RTN1: variants seen among roughly 807,000 people sequenced by gnomAD.
RTN1 encodes the protein reticulon 1.
RTN1 carries 25 observed loss-of-function variants against 65.5 expected under a neutral mutation model. The observed-to-expected ratio is 0.38, with a 90% CI of 0.28 to 0.53. RTN1 has a LOEUF of 0.53. Ranked by LOEUF, RTN1 falls within the 20% of genes least tolerant of loss-of-function variation. The pLI, the probability that RTN1 is intolerant of heterozygous loss-of-function variation, is 0.79. For missense variants in RTN1, 983 were observed against 1,025.4 expected (o/e 0.96, Z 0.57); for synonymous variants, 471 against 447.6 (o/e 1.05, Z -0.66).
At chr14:59,708,164 A>G (rs1884338429) in intron 3 of RTN1, among the ~76,000 whole-genome samples, 1 of 152,256 alleles carries the variant, frequency 6.6e-6, no homozygotes, top group African/African-American at 2.4e-5. Flanking sequence ...GAATATGTTA[A>G]TATTATTCAA....
intron 3 of RTN1, among the ~76,000 whole-genome samples, chr14:59,632,621 T>G (rs918550033): frequency 6.6e-6 from 1 of 152,180 alleles, no homozygotes; most frequent in Non-Finnish European, 1.5e-5. Flanking sequence ...GTACCTTTAC[T>G]GATGAGTATT....
At chr14:59,654,790 C>G (rs1883090528) in intron 3 of RTN1, among the ~76,000 whole-genome samples, 1 of 152,206 alleles carries the variant, frequency 6.6e-6, no homozygotes, top group African/African-American at 2.4e-5. Context: ...GTATTAAACA[C>G]TAAGAACAGT....
chr14:59,625,725 A>G (rs1339610500), intron 3 of RTN1, among the ~76,000 whole-genome samples: 1 of 152,194 alleles, frequency 6.6e-6, no homozygotes, highest in Non-Finnish European at 1.5e-5. Flanking sequence ...ACAAATGAAA[A>G]TGTTCATAAT....
chr14:59,805,247 T>C (rs1208198327), intron 1 of RTN1, among the ~76,000 whole-genome samples: 4 of 152,224 alleles, frequency 2.6e-5, no homozygotes, highest in African/African-American at 9.6e-5. Flanking sequence ...GTTTTGATAC[T>C]TTTCACAGTC....
At chr14:59,710,404 C>T (rs1884393493) in intron 3 of RTN1, among the ~76,000 whole-genome samples, 1 of 152,218 alleles carries the variant, frequency 6.6e-6, no homozygotes, top group African/African-American at 2.4e-5. Flanking sequence ...CCAAGCTTGA[C>T]ATAAATTCAG....
intron 3 of RTN1, among the ~76,000 whole-genome samples, chr14:59,666,954 C>T (rs184387434): frequency 6.5e-5 from 8 of 122,800 alleles, no homozygotes; most frequent in East Asian, 2.3e-4. Flanking sequence ...AATTAATAGC[C>T]GACCAACCAA....
intron 3 of RTN1, among the ~76,000 whole-genome samples, chr14:59,633,388 G>A (rs1388004607): frequency 6.6e-6 from 1 of 152,236 alleles, no homozygotes; most frequent in Non-Finnish European, 1.5e-5. Context: ...CCTTCAGCAA[G>A]TCATTTATCA....
chr14:59,793,636 C>CCACA lies in RTN1; in HGVS notation c.242-47159_242-47156dup, dbSNP rs766243780. On this transcript the variant is annotated intron_variant, in intron 1 of 8. Transcript: ENST00000267484. ...TTACCTTGTCAATTACAGGCACACA[C>CCACA]CACACACACACACACACACACACAC... Among the ~76,000 whole-genome samples, 1,267 of 144,286 alleles carry CCACA rather than the reference C, an allele frequency of 8.8e-3. 15 individuals carry two copies. The highest frequency in any genetic ancestry group is 0.028 in the African/African-American group (1,076 of 38,662). The allele number at this position is 144,286 out of a possible 152,430, so 94.7% of individuals were successfully genotyped here.
chr14:59,694,908 G>C (rs1001457794), intron 3 of RTN1, among the ~76,000 whole-genome samples: 15 of 152,212 alleles, frequency 9.9e-5, no homozygotes, highest in Non-Finnish European at 1.5e-5. Context: ...CTTCAAGAGA[G>C]AGTGGTTGGG....
rs966874408 is a variant in RTN1, at chr14:59,825,698, T to TA, written c.241+44691dup. On this transcript the variant is annotated intron_variant, in intron 1 of 8. Coordinates refer to ENST00000267484, the MANE Select transcript of RTN1 (RefSeq NM_021136.3). The surrounding 1 kb of genome is among the most constrained non-coding windows in gnomAD (Gnocchi z 4.2). ...AAGGAATAGTGTTACTGTGTGCTCTTAGAGTTACACAGAATTTTACAGTCT... is the reference window on the plus strand; with the variant it reads ...AAGGAATAGTGTTACTGTGTGCTCTTAAGAGTTACACAGAATTTTACAGTCT... Among the ~76,000 whole-genome samples the TA allele has an allele frequency of 5.3e-5, 8 of 152,328 alleles. No individual in the cohort carries two copies. Among genetic ancestry groups the TA allele is most frequent in the Admixed American group, 3.9e-4 (6 of 15,296 alleles).
At chr14:59,841,470 C>A (rs1283354442) in intron 1 of RTN1, among the ~76,000 whole-genome samples, 1 of 151,966 alleles carries the variant, frequency 6.6e-6, no homozygotes. Flanking sequence ...CCAAGGCAGG[C>A]GGATCACTCG....
chr14:59,809,601 C>T (rs1414061471), intron 1 of RTN1, among the ~76,000 whole-genome samples: 2 of 152,118 alleles, frequency 1.3e-5, no homozygotes, highest in Non-Finnish European at 2.9e-5. Flanking sequence ...AATTAATCTG[C>T]TAACTGTCTT....
chr14:59,825,901 G>T lies in RTN1; in HGVS notation c.241+44489C>A, dbSNP rs917251281. ...CTCACTCCAGGAATGGTGTGAGGAG[G>T]GACCTAACAGTTTGTGGTACCCATT... On this transcript the variant is annotated intron_variant, in intron 1 of 8. Transcript: ENST00000267484. The surrounding 1 kb of genome is among the most constrained non-coding windows in gnomAD (Gnocchi z 4.2). 1.3e-5 allele frequency among the ~76,000 whole-genome samples: 2 copies of T among 152,144 alleles called. No individual in the cohort carries two copies. The highest frequency in any genetic ancestry group is 1.3e-4 in the Admixed American group (2 of 15,280).
At chr14:59,763,931 A>G (rs926112298) in intron 1 of RTN1, among the ~76,000 whole-genome samples, 10 of 152,206 alleles carry the variant, frequency 6.6e-5, no homozygotes, top group African/African-American at 2.4e-4. Context: ...AAAAAAATAC[A>G]TTGTTTTTAG....
intron 3 of RTN1, among the ~76,000 whole-genome samples, chr14:59,618,618 C>A (rs550477354): frequency 2.0e-5 from 3 of 152,336 alleles, no homozygotes; most frequent in Non-Finnish European, 4.4e-5. Flanking sequence ...GAAAGGTGAA[C>A]CCCTTGGGCA....
chr14:59,718,274 C>T (rs1884578887), intron 3 of RTN1, among the ~76,000 whole-genome samples: 1 of 152,224 alleles, frequency 6.6e-6, no homozygotes, highest in Non-Finnish European at 1.5e-5. Context: ...CCATGGCCGA[C>T]TGCAGTCTTG....
In RTN1 at chr14:59,847,395, C is replaced by T. The variant is rs544557599; in HGVS notation, c.241+22995G>A. On this transcript the variant is annotated intron_variant, in intron 1 of 8. Transcript: ENST00000267484. ...GTATTTTAAAGTACATAATGATTAA[C>T]CAATGTTTCCATTTGACTAATAAAA... 3.9e-5 allele frequency among the ~76,000 whole-genome samples: 6 copies of T among 152,252 alleles called. No individual in the cohort carries two copies. In the South Asian group the frequency reaches 1.2e-3, roughly 32 times the overall value.
At chr14:59,657,897 C>T (rs976785170) in intron 3 of RTN1, among the ~76,000 whole-genome samples, 2 of 152,136 alleles carry the variant, frequency 1.3e-5, no homozygotes, top group Non-Finnish European at 2.9e-5. Flanking sequence ...CAGACAGAAC[C>T]ATTCACTGCC....
intron 3 of RTN1, among the ~76,000 whole-genome samples, chr14:59,660,658 G>T (rs1447712814): frequency 6.6e-6 from 1 of 152,090 alleles, no homozygotes; most frequent in African/African-American, 2.4e-5. Flanking sequence ...TGAAATTAAG[G>T]AAGAAATAAA....
Sources: allele counts gnomAD v4.1 joint callset (sites outside exome capture counted in the v4.1 genomes callset), GRCh38; gene constraint gnomAD v4.1.1; non-coding constraint Gnocchi (gnomAD v3.1); transcripts MANE v1.5; gene names NCBI Gene and HGNC (gene_info 2026-07-23, HGNC 2026-07-21).